UBE3C: variants seen among roughly 807,000 people sequenced by gnomAD.
UBE3C encodes the protein ubiquitin-protein ligase E3C.
In UBE3C, 42 loss-of-function variants were observed where a neutral mutation model predicts 129.4. The ratio of observed to expected loss-of-function variants is 0.32; its 90% CI spans 0.25 to 0.42. The LOEUF is 0.42. Among genes scored for constraint, UBE3C ranks in the 10% least tolerant of loss-of-function variants. UBE3C has a pLI of 1.00. For missense variants in UBE3C, 1,049 were observed against 1,319.1 expected (o/e 0.80, Z 3.17); for synonymous variants, 510 against 492.4 (o/e 1.04, Z -0.47).
chr7:157,187,148 T>C, intron 10 of UBE3C, 127 bp downstream of exon 10: 2 of 1,105,292 alleles, frequency 1.8e-6, no homozygotes, highest in South Asian at 1.9e-5. Context: ...GATATTCTAC[T>C]GTCCAAGCGT....
At chr7:157,182,576 A>C (rs928715647) in intron 8 of UBE3C, among the ~76,000 whole-genome samples, 1 of 152,234 alleles carries the variant, frequency 6.6e-6, no homozygotes, top group Non-Finnish European at 1.5e-5. Context: ...TAACAGAGTT[A>C]AATGGGAAAG....
At chr7:157,241,942 T>C (rs1326674765) in intron 18 of UBE3C, among the ~76,000 whole-genome samples, 1 of 152,124 alleles carries the variant, frequency 6.6e-6, no homozygotes, top group Non-Finnish European at 1.5e-5. Flanking sequence ...TTATATGAAA[T>C]GTCCAAAACA....
At position 157,248,426 on chromosome 7, in the gene UBE3C, T is replaced by C; in HGVS notation, c.2540T>C (p.Leu847Ser). 1.9e-6 allele frequency: 3 copies of C among 1,613,648 alleles called. No homozygotes were observed. The highest frequency in any genetic ancestry group is 2.5e-6 in the Non-Finnish European group (3 of 1,180,016). ...TTTGCAGGCTTCTTTCTTTCCAAGT[T>C]GCTTGGAACCAGTGCCGACGTGGAC... ...LPFAGFFLSKLLGTSADVDIH... is the reference protein window; with the variant it reads ...LPFAGFFLSKSLGTSADVDIH... Residue 847 changes from leucine (L) to serine (S), a missense_variant, in exon 19 of 23, where the codon TTG (leucine) becomes TCG (serine). By Grantham distance (145) the Leu-to-Ser change is moderately radical (BLOSUM62 -2). This residue lies in a region of UBE3C where 243 missense variants were observed against 368.7 expected (regional missense o/e 0.66). Transcript: ENST00000348165.
intron 14 of UBE3C, among the ~76,000 whole-genome samples, chr7:157,218,093 C>T (rs1249083623): frequency 1.3e-5 from 2 of 152,002 alleles, no homozygotes; most frequent in African/African-American, 4.8e-5. Flanking sequence ...GAGAAAAAGT[C>T]GTAACTGGAT....
chr7:157,151,134 C>A (rs187081628), intron 1 of UBE3C, among the ~76,000 whole-genome samples: 148 of 152,272 alleles, frequency 9.7e-4, no homozygotes, highest in African/African-American at 3.1e-3. Context: ...GCTCCACCCC[C>A]TAAAGGGCAG....
At position 157,168,179 on chromosome 7, in the gene UBE3C, G is replaced by A. The variant is rs555956599; in HGVS notation, c.121-869G>A. On this transcript the variant is annotated intron_variant, in intron 2 of 22. Transcript: ENST00000348165. ...ATCCTGGCTAACATGGTGAAACCCC[G>A]TCTCTACTAAATATACAAAAAATTA... Among the ~76,000 whole-genome samples the A allele has an allele frequency of 2.2e-4, 33 of 151,744 alleles. 1 individual carries two copies. The South Asian group carries it at 5.6e-3, about 26-fold the overall frequency.
At chr7:157,195,928 A>G (rs537497178) in intron 10 of UBE3C, among the ~76,000 whole-genome samples, 1 of 152,330 alleles carries the variant, frequency 6.6e-6, no homozygotes, top group Admixed American at 6.5e-5. Context: ...TAAAACGTTA[A>G]TGTCCTAATC....
chr7:157,201,969 A>G (rs1267133138), intron 11 of UBE3C, among the ~76,000 whole-genome samples, 162 bp downstream of exon 11: 1 of 152,190 alleles, frequency 6.6e-6, no homozygotes, highest in Non-Finnish European at 1.5e-5. Context: ...AAGAAAAATC[A>G]GTGTCTAATC....
chr7:157,178,847 G>T lies in UBE3C; in HGVS notation c.616G>T (p.Gly206Trp). 6.2e-7 allele frequency: 1 copy of T among 1,613,966 alleles called. No homozygotes were observed. The highest frequency in any genetic ancestry group is 8.5e-7 in the Non-Finnish European group (1 of 1,179,910). Residue 206 changes from glycine to tryptophan, a missense_variant and splice_region_variant, in exon 6 of 23, where the codon GGG becomes TGG. Transcript: ENST00000348165. ...EQILHYMIHNGYYRSLYLLIN... is the reference protein window; with the variant it reads ...EQILHYMIHNWYYRSLYLLIN... ...AATTTTGCACTACATGATTCACAAT[G>T]GTAAGTAGTAGGCAGGATCAGAACT...
chr7:157,247,191 A>G (rs542475264), intron 18 of UBE3C, among the ~76,000 whole-genome samples: 3 of 152,288 alleles, frequency 2.0e-5, no homozygotes, highest in African/African-American at 7.2e-5. Flanking sequence ...TGGCCTGACT[A>G]GATATATTCT....
In UBE3C at chr7:157,182,251, A is replaced by G; in HGVS notation, c.914A>G (p.Glu305Gly). The G allele has an allele frequency of 3.7e-6, 6 of 1,614,222 alleles. No homozygotes were observed. Among genetic ancestry groups the G allele is most frequent in the Non-Finnish European group, 4.2e-6 (5 of 1,180,038 alleles). ...EPFLNALLLI[E>G]SRCSRKSGGA... ...TTTCTGAATGCACTGTTGTTAATAGAGAGTAGATGTTCAAGAAAGAGTGGT... is the reference window on the plus strand; with the variant it reads ...TTTCTGAATGCACTGTTGTTAATAGGGAGTAGATGTTCAAGAAAGAGTGGT... The change falls in exon 8 of 23, where the codon GAG becomes GGG. Residue 305 changes from glutamate (E) to glycine (G), a missense_variant. Glu to Gly is a moderately conservative substitution (Grantham distance 98). This residue lies in a region of UBE3C where 489 missense variants were observed against 513.8 expected (regional missense o/e 0.95). Coordinates refer to ENST00000348165, the MANE Select transcript of UBE3C (RefSeq NM_014671.3).
intron 3 of UBE3C, among the ~76,000 whole-genome samples, chr7:157,169,575 C>A (rs946287033): frequency 1.9e-4 from 29 of 152,190 alleles, no homozygotes; most frequent in Admixed American, 5.2e-4. Context: ...GGTGTTTTGC[C>A]ACGTTGACCA....
intron 1 of UBE3C, among the ~76,000 whole-genome samples, chr7:157,141,882 C>T (rs1290623325): frequency 6.6e-6 from 1 of 152,218 alleles, no homozygotes; most frequent in African/African-American, 2.4e-5. Context: ...GTGGCTGATT[C>T]TGTTTTCTTA....
intron 10 of UBE3C, among the ~76,000 whole-genome samples, chr7:157,195,224 G>A (rs549994844): frequency 2.0e-5 from 3 of 152,324 alleles, no homozygotes; most frequent in African/African-American, 4.8e-5. Flanking sequence ...GGAAAGATAT[G>A]TGAGGAGCCT....
chr7:157,187,255 T>C (rs569203145), intron 10 of UBE3C, among the ~76,000 whole-genome samples: 48 of 152,280 alleles, frequency 3.2e-4, no homozygotes, highest in African/African-American at 9.9e-4. Flanking sequence ...TCTGTAATAT[T>C]TTCTGTAGTA....
At chr7:157,223,379 C>T in intron 16 of UBE3C, 28 bp downstream of exon 16, 3 of 1,579,426 alleles carry the variant, frequency 1.9e-6, no homozygotes, top group Non-Finnish European at 2.6e-6. Context: ...TTTATTGTCA[C>T]TACGTATCAT....
intron 21 of UBE3C, among the ~76,000 whole-genome samples, chr7:157,256,509 C>T (rs1465174650): frequency 2.9e-5 from 2 of 68,362 alleles, no homozygotes; most frequent in African/African-American, 5.7e-5. Flanking sequence ...ACATAATTGG[C>T]GGTGGGTGGG....
At chr7:157,238,475 A>T (rs1389609912) in intron 18 of UBE3C, among the ~76,000 whole-genome samples, 1 of 152,058 alleles carries the variant, frequency 6.6e-6, no homozygotes, top group Non-Finnish European at 1.5e-5. Flanking sequence ...TTTGCTGATG[A>T]ATGAGATGTT....
chr7:157,220,557 G>C, intron 14 of UBE3C, 132 bp from the exon 15 acceptor site: 1 of 856,442 alleles, frequency 1.2e-6, no homozygotes, highest in Non-Finnish European at 1.8e-6. Flanking sequence ...AAGGGGACAT[G>C]AAGGTATGAG....
Sources: allele counts gnomAD v4.1 joint callset (sites outside exome capture counted in the v4.1 genomes callset), GRCh38; gene constraint gnomAD v4.1.1; regional missense constraint gnomAD v4.1.1; transcripts MANE v1.5; gene names NCBI Gene and HGNC (gene_info 2026-07-23, HGNC 2026-07-21).